IQGAP2: variants seen among roughly 807,000 people sequenced by gnomAD.
The protein encoded by IQGAP2 is IQ motif containing GTPase activating protein 2.
In IQGAP2, 173 loss-of-function variants were observed where a neutral mutation model predicts 201.3. That is an observed-to-expected ratio of 0.86 (90% confidence interval 0.76 to 0.98). The LOEUF is 0.98. Among genes scored for constraint, IQGAP2 ranks in the 50% least tolerant of loss-of-function variants. The probability of loss-of-function intolerance (pLI) is 0.00; values close to 1 mark genes in which losing one functional copy is unlikely to be tolerated. For synonymous variants in IQGAP2, 675 were observed against 673.9 expected (o/e 1.00, Z -0.03); for missense variants, 1,687 against 1,864.8 (o/e 0.90, Z 1.76).
At chr5:76,504,144 A>G (rs1385375924) in intron 2 of IQGAP2, among the ~76,000 whole-genome samples, 1 of 152,210 alleles carries the variant, frequency 6.6e-6, no homozygotes, top group African/African-American at 2.4e-5. Context: ...TGCTTCCTCC[A>G]AACAGTAATA....
intron 9 of IQGAP2, chr5:76,597,201 A>G: frequency 3.9e-6 from 2 of 518,184 alleles, no homozygotes; most frequent in Admixed American, 6.5e-5. Flanking sequence ...CTCAGGAATG[A>G]TCTCATACCC....
At chr5:76,650,387 T>C (rs931457580) in intron 17 of IQGAP2, among the ~76,000 whole-genome samples, 2 of 152,244 alleles carry the variant, frequency 1.3e-5, no homozygotes, top group Non-Finnish European at 2.9e-5. Flanking sequence ...TACACAGGTA[T>C]GTATACCCTT....
At position 76,671,985 on chromosome 5, in the gene IQGAP2, T is replaced by C; in HGVS notation, c.3068+2T>C. ...AGAAACACAGACTGGAGAGGCCAGG[T>C]AATAGAATCAGGAAGGTGTTGGTCT... On this transcript the variant is annotated splice_donor_variant, in intron 24 of 35. Transcript: ENST00000274364. LOFTEE classifies it high-confidence loss of function. 4 of 1,599,180 alleles carry C rather than the reference T, an allele frequency of 2.5e-6. No homozygotes were observed. Among genetic ancestry groups the C allele is most frequent in the Non-Finnish European group, 3.4e-6 (4 of 1,167,262 alleles).
chr5:76,480,935 C>T (rs1178895427), intron 2 of IQGAP2, among the ~76,000 whole-genome samples: 1 of 152,148 alleles, frequency 6.6e-6, no homozygotes, highest in Non-Finnish European at 1.5e-5. Context: ...GTGTCCCATA[C>T]CAGCTGGTTA....
chr5:76,683,288 G>A lies in IQGAP2; in HGVS notation c.3763+71G>A, dbSNP rs1273580037. On this transcript the variant is annotated intron_variant, in intron 29 of 35. Coordinates refer to ENST00000274364, the MANE Select transcript of IQGAP2 (RefSeq NM_006633.5). ...GGGTGGGTTGGTTGGTTGGTTCGTT[G>A]GTTTTCCTATCCTAGATAAAACAAT... The A allele has an allele frequency of 1.2e-5, 12 of 971,694 alleles. No individual in the cohort carries two copies. The East Asian group carries it at 3.0e-4, about 24-fold the overall frequency. The allele number at this position is 971,694 out of a possible 1,614,324, so 60.2% of individuals were successfully genotyped here.
intron 2 of IQGAP2, among the ~76,000 whole-genome samples, chr5:76,466,215 CCA>C (rs1295723947): frequency 6.6e-6 from 1 of 152,018 alleles, no homozygotes; most frequent in African/African-American, 2.4e-5. Flanking sequence ...GTGGCATGCA[CCA>C]GTAGACCTAG....
chr5:76,567,319 C>T (rs10078127), intron 3 of IQGAP2, among the ~76,000 whole-genome samples: 31,587 of 152,158 alleles, frequency 0.21, 3,470 homozygotes, highest in South Asian at 0.38. Context: ...TGGAGCATTT[C>T]GGATTTCGGA....
At chr5:76,650,203 A>G (rs1431804086) in intron 17 of IQGAP2, among the ~76,000 whole-genome samples, 2 of 152,236 alleles carry the variant, frequency 1.3e-5, no homozygotes, top group Non-Finnish European at 2.9e-5. Flanking sequence ...TCCAAACCAT[A>G]TTAAGGCATG....
At chr5:76,661,774 C>A (rs537883378) in intron 21 of IQGAP2, among the ~76,000 whole-genome samples, 13 of 152,280 alleles carry the variant, frequency 8.5e-5, no homozygotes, top group African/African-American at 3.1e-4. Flanking sequence ...GCTAATTATA[C>A]TCTGCAGATA....
At chr5:76,581,948 C>T (rs1003965829) in intron 5 of IQGAP2, among the ~76,000 whole-genome samples, 1 of 152,206 alleles carries the variant, frequency 6.6e-6, no homozygotes, top group African/African-American at 2.4e-5. Context: ...ACAAAGGACA[C>T]ATTTATTTAA....
chr5:76,659,238 T>G (rs758250685), intron 21 of IQGAP2, among the ~76,000 whole-genome samples: 6 of 152,324 alleles, frequency 3.9e-5, no homozygotes, highest in Non-Finnish European at 5.9e-5. Flanking sequence ...TATGATAAAA[T>G]GTACTGATGT....
chr5:76,556,807 T>C (rs963988767), intron 2 of IQGAP2, among the ~76,000 whole-genome samples: 10 of 152,200 alleles, frequency 6.6e-5, no homozygotes, highest in African/African-American at 2.4e-4. Context: ...TTGTATCTTA[T>C]TGGAAGGACC....
chr5:76,514,777 A>G (rs892801345), intron 2 of IQGAP2, among the ~76,000 whole-genome samples: 18 of 152,194 alleles, frequency 1.2e-4, no homozygotes, highest in African/African-American at 4.3e-4. Context: ...GTTGGACTGT[A>G]GGTTACCTGA....
At chr5:76,604,567 G>A (rs928908893) in intron 11 of IQGAP2, among the ~76,000 whole-genome samples, 6 of 151,994 alleles carry the variant, frequency 3.9e-5, no homozygotes, top group Non-Finnish European at 2.9e-5. Flanking sequence ...AGAAATGATG[G>A]GTAGTTGTAT....
At chr5:76,586,510 T>C (rs1297708638) in intron 5 of IQGAP2, among the ~76,000 whole-genome samples, 1 of 152,186 alleles carries the variant, frequency 6.6e-6, no homozygotes, top group African/African-American at 2.4e-5. Flanking sequence ...TGAAAAAATA[T>C]TTACCCTCCC....
intron 13 of IQGAP2, among the ~76,000 whole-genome samples, chr5:76,614,439 A>G (rs920433443): frequency 1.3e-5 from 2 of 152,174 alleles, no homozygotes; most frequent in Non-Finnish European, 2.9e-5. Context: ...AAAATACTGC[A>G]GGTCCAAGCG....
intron 12 of IQGAP2, among the ~76,000 whole-genome samples, chr5:76,610,102 ATATATATATATATTTT>A (rs1561506202): frequency 9.4e-5 from 2 of 21,176 alleles, no homozygotes; most frequent in African/African-American, 3.4e-4. Flanking sequence ...ATATATATAT[ATATATATATATATTTT>A]TTTTTTTTTT....
At chr5:76,652,881 C>A in intron 18 of IQGAP2, 48 bp downstream of exon 18, 1 of 1,203,002 alleles carries the variant, frequency 8.3e-7, no homozygotes, top group South Asian at 1.2e-5. Context: ...AAACGTTTCC[C>A]CTCATTTCAT....
At position 76,623,508 on chromosome 5, in the gene IQGAP2, A is replaced by G. The variant is rs1485279071; in HGVS notation, c.1522-3902A>G. On this transcript the variant is annotated intron_variant, in intron 13 of 35. Transcript: ENST00000274364. ...ATTTAACTCTTACCCACCCCCAACA[A>G]TCTATTCTGAATAGGTGCTGTAATT... The G allele has an allele frequency of 2.1e-5, 9 of 424,044 alleles. No individual in the cohort carries two copies. The East Asian group carries it at 2.8e-4, about 13-fold the overall frequency. The allele number at this position is 424,044 out of a possible 1,614,324, so 26.3% of individuals were successfully genotyped here. A position where few individuals can be genotyped will look rare whatever the true frequency, so the allele number is the denominator to read the frequency against.
Sources: gnomAD v4.1 joint callset for allele counts (sites outside exome capture counted in the v4.1 genomes callset) on GRCh38, gnomAD v4.1.1 for gene constraint, MANE v1.5 for transcripts, NCBI Gene and HGNC (gene_info 2026-07-23, HGNC 2026-07-21) for gene names.